Variants in GUCY1B1 observed in about 807,000 individuals in gnomAD.
The protein encoded by GUCY1B1 is guanylate cyclase soluble subunit beta-1.
In GUCY1B1, 43 loss-of-function variants were observed where a neutral mutation model predicts 71.0. That is an observed-to-expected ratio of 0.61 (90% CI 0.47 to 0.78). GUCY1B1 has a LOEUF of 0.78. Among genes scored for constraint, GUCY1B1 ranks in the 30% least tolerant of loss-of-function variants. GUCY1B1 has a pLI of 0.00. For synonymous variants in GUCY1B1, 266 were observed against 259.7 expected (o/e 1.02, Z -0.23); for missense variants, 535 against 754.1 (o/e 0.71, Z 3.40).
intron 2 of GUCY1B1, among the ~76,000 whole-genome samples, chr4:155,773,821 G>C (rs1273897726): frequency 1.3e-5 from 2 of 152,138 alleles, no homozygotes; most frequent in Non-Finnish European, 2.9e-5. Context: ...CCGAGTAGCT[G>C]GGACTACAGG....
chr4:155,794,159 C>G (rs1171795704), intron 6 of GUCY1B1, 73 bp downstream of exon 6: 8 of 786,744 alleles, frequency 1.0e-5, no homozygotes, highest in Non-Finnish European at 1.7e-5. Context: ...AGGCAGCCAT[C>G]CATTCATTTA....
At position 155,803,761 on chromosome 4, in the gene GUCY1B1, T is replaced by C; in HGVS notation, c.1551T>C (p.Val517=). 6.4e-7 allele frequency: 1 copy of C among 1,573,578 alleles called. No homozygotes were observed. Among genetic ancestry groups the C allele is most frequent in the Non-Finnish European group, 8.6e-7 (1 of 1,161,164 alleles). ...AGGTTCAAGTAGATGGTGAATCTGT[T>C]CAGGTTAGTAAATGAAGTAGATATT... The part of the protein sequence containing the change: ...AGQVQVDGES[V]QITIGIHTGE... The change falls in exon 11 of 14, where the codon GTT becomes GTC. Residue 517 remains valine (V), a synonymous_variant. Coordinates refer to ENST00000264424, the MANE Select transcript of GUCY1B1 (RefSeq NM_000857.5).
At chr4:155,768,456 G>GTTTTTTTTTTTTTTTT (rs35462860) in intron 2 of GUCY1B1, among the ~76,000 whole-genome samples, 1 of 128,614 alleles carries the variant, frequency 7.8e-6, no homozygotes, top group Non-Finnish European at 1.7e-5. Context: ...TTACTTGTTT[G>GTTTTTTTTTTTTTTTT]TTTTTTTTTT....
chr4:155,759,200 A>C, intron 1 of GUCY1B1, 57 bp downstream of exon 1: 1 of 1,521,242 alleles, frequency 6.6e-7, no homozygotes, highest in South Asian at 1.2e-5. Context: ...CCGGCCTGGC[A>C]GCGAGGGAAC....
At chr4:155,794,755 G>A (rs905466044) in intron 6 of GUCY1B1, among the ~76,000 whole-genome samples, 39 of 152,204 alleles carry the variant, frequency 2.6e-4, no homozygotes, top group Non-Finnish European at 4.9e-4. Flanking sequence ...TGGAAGCAGA[G>A]TAGTGTGCTG....
At chr4:155,768,456 GT>G (rs35462860) in intron 2 of GUCY1B1, among the ~76,000 whole-genome samples, 18,760 of 128,420 alleles carry the variant, frequency 0.15, 1,352 homozygotes, top group African/African-American at 0.28. Flanking sequence ...TTACTTGTTT[GT>G]TTTTTTTTTT....
chr4:155,770,322 GTGGCAGCTATATT>G (rs564438408), intron 2 of GUCY1B1, among the ~76,000 whole-genome samples: 1 of 152,284 alleles, frequency 6.6e-6, no homozygotes, highest in Admixed American at 6.5e-5. Flanking sequence ...TCAAAGAACA[GTGGCAGCTATATT>G]TTGCAGAGTG....
chr4:155,804,569 G>A (rs766261178), intron 11 of GUCY1B1, 24 bp from the exon 12 acceptor site: 14 of 1,572,708 alleles, frequency 8.9e-6, no homozygotes, highest in East Asian at 2.2e-5. Context: ...CAAAATGATT[G>A]AAGCAAAGCT....
In GUCY1B1 at chr4:155,806,583, CTG is replaced by C; in HGVS notation, c.*175_*176del. ...CACTATCCGTTATTCAACCTTAGCT[CTG>C]CTTTCTATTACTTTTTAGGCTTTAG... On this transcript the variant is annotated 3_prime_UTR_variant, in exon 14 of 14. Transcript: ENST00000264424. The C allele has an allele frequency of 2.0e-6, 1 of 508,774 alleles. No homozygotes were observed. The highest frequency in any genetic ancestry group is 3.5e-5 in the Admixed American group (1 of 28,498). The allele number at this position is 508,774 out of a possible 1,614,324, so 31.5% of individuals were successfully genotyped here.
intron 2 of GUCY1B1, among the ~76,000 whole-genome samples, chr4:155,768,695 T>C (rs1737509349): frequency 6.6e-6 from 1 of 152,128 alleles, no homozygotes; most frequent in South Asian, 2.1e-4. Flanking sequence ...AAAAGGTAAT[T>C]AGTATAAATA....
At chr4:155,796,650 T>G in intron 8 of GUCY1B1, 140 bp downstream of exon 8, 2 of 602,996 alleles carry the variant, frequency 3.3e-6, no homozygotes, top group Non-Finnish European at 2.9e-6. Flanking sequence ...GTGTATTACT[T>G]TATAACAAGG....
intron 7 of GUCY1B1, 28 bp downstream of exon 7, chr4:155,795,485 T>C: frequency 9.4e-7 from 1 of 1,068,076 alleles, no homozygotes; most frequent in East Asian, 2.4e-5. Context: ...TCATTAAATG[T>C]GAGAAAGGTA....
chr4:155,800,183 G>A, intron 9 of GUCY1B1, 109 bp downstream of exon 9: 7 of 578,486 alleles, frequency 1.2e-5, no homozygotes, highest in South Asian at 3.2e-5. Context: ...TAATAGCTCT[G>A]GTGTAGTAAA....
intron 7 of GUCY1B1, 45 bp from the exon 8 acceptor site, chr4:155,796,332 T>C: frequency 6.3e-7 from 1 of 1,577,114 alleles, no homozygotes; most frequent in Non-Finnish European, 8.7e-7. Flanking sequence ...AATTCTTAGG[T>C]AGGGAGAAAG....
chr4:155,777,312 A>G (rs1422690038), intron 3 of GUCY1B1, among the ~76,000 whole-genome samples: 1 of 152,208 alleles, frequency 6.6e-6, no homozygotes. Flanking sequence ...TTTGCTTGTA[A>G]ATGCAAATGT....
intron 2 of GUCY1B1, among the ~76,000 whole-genome samples, chr4:155,760,095 C>T (rs1018380419): frequency 4.6e-5 from 7 of 152,106 alleles, no homozygotes; most frequent in Admixed American, 2.0e-4. Flanking sequence ...AAAGGAGCCC[C>T]TAGGGGTCAC....
At chr4:155,772,414 G>A (rs1268350180) in intron 2 of GUCY1B1, among the ~76,000 whole-genome samples, 2 of 152,090 alleles carry the variant, frequency 1.3e-5, no homozygotes, top group Non-Finnish European at 2.9e-5. Context: ...TTGTTTGTTT[G>A]TTCGCTTGTT....
At position 155,803,159 on chromosome 4, in the gene GUCY1B1, A is replaced by C. The variant is rs28698829; in HGVS notation, c.1414-465A>C. On this transcript the variant is annotated intron_variant, in intron 10 of 13. Coordinates refer to ENST00000264424, the MANE Select transcript of GUCY1B1 (RefSeq NM_000857.5). Reference sequence around the variant, plus strand: ...TAGATATCTGGGGTAATATAACTACACAAGGACTATTTATTTTATAGTCAT... The same window carrying C: ...TAGATATCTGGGGTAATATAACTACCCAAGGACTATTTATTTTATAGTCAT... 2.0e-5 allele frequency among the ~76,000 whole-genome samples: 3 copies of C among 152,328 alleles called. No individual in the cohort carries two copies. The East Asian group carries it at 5.8e-4, about 29-fold the overall frequency.
chr4:155,759,135 G>A lies in GUCY1B1; in HGVS notation c.-6G>A, dbSNP rs2110933165. On this transcript the variant is annotated 5_prime_UTR_variant, in exon 1 of 14. Transcript: ENST00000264424. ...GGCTGCCTCCCCGGCTCCCGGTGCAGACACCATGGTAAGTGCTCTCAGCCG... is the reference window on the plus strand; with the variant it reads ...GGCTGCCTCCCCGGCTCCCGGTGCAAACACCATGGTAAGTGCTCTCAGCCG... The A allele has an allele frequency of 6.3e-7, 1 of 1,592,586 alleles. No individual in the cohort carries two copies. Among genetic ancestry groups the A allele is most frequent in the Non-Finnish European group, 8.5e-7 (1 of 1,170,456 alleles).
Sources: allele counts gnomAD v4.1 joint callset (sites outside exome capture counted in the v4.1 genomes callset), GRCh38; gene constraint gnomAD v4.1.1; transcripts MANE v1.5; gene names NCBI Gene and HGNC (gene_info 2026-07-23, HGNC 2026-07-21).